TTC28: variants seen among roughly 807,000 people sequenced by gnomAD.
TTC28 encodes the protein tetratricopeptide repeat domain 28.
Under a neutral mutation model 198.0 loss-of-function variants are expected in TTC28, and 61 were observed. The ratio of observed to expected loss-of-function variants is 0.31; its 90% CI spans 0.25 to 0.38. The LOEUF is 0.38. Ranked by LOEUF, TTC28 falls within the 10% of genes least tolerant of loss-of-function variation. The probability of loss-of-function intolerance (pLI) is 1.00; values close to 1 mark genes in which losing one functional copy is unlikely to be tolerated. For synonymous variants in TTC28, 1,171 were observed against 1,297.8 expected (o/e 0.90, Z 2.10); for missense variants, 2,678 against 3,164.0 (o/e 0.85, Z 3.69).
chr22:28,552,783 CT>C (rs1569020697), intron 2 of TTC28, among the ~76,000 whole-genome samples: 1 of 135,456 alleles, frequency 7.4e-6, no homozygotes, highest in Non-Finnish European at 1.6e-5. Flanking sequence ...CCCCCTCCCC[CT>C]CTCCCCACGG....
intron 2 of TTC28, among the ~76,000 whole-genome samples, chr22:28,437,160 G>A (rs2146215031): frequency 6.6e-6 from 1 of 152,110 alleles, no homozygotes; most frequent in South Asian, 2.1e-4. Context: ...TCAGCTCACT[G>A]CAACCTCTGC....
chr22:28,170,073 C>T (rs889110523), intron 5 of TTC28, among the ~76,000 whole-genome samples: 1 of 152,044 alleles, frequency 6.6e-6, no homozygotes, highest in Non-Finnish European at 1.5e-5. Flanking sequence ...ACCTCATCTC[C>T]TAGAAACAAG....
chr22:28,335,071 A>T (rs778376516), intron 2 of TTC28, among the ~76,000 whole-genome samples: 5 of 152,140 alleles, frequency 3.3e-5, no homozygotes, highest in Admixed American at 1.3e-4. Flanking sequence ...CTTTCTACAT[A>T]TGGCTAGCCA....
At chr22:28,069,989 A>G (rs1488687628) in intron 12 of TTC28, among the ~76,000 whole-genome samples, 1 of 150,460 alleles carries the variant, frequency 6.6e-6, no homozygotes, top group Non-Finnish European at 1.5e-5. Flanking sequence ...GTTCTTTTCC[A>G]TTGTACTCTG....
In TTC28 at chr22:28,108,062, G is replaced by C. The variant is rs761850559; in HGVS notation, c.1783C>G (p.Arg595Gly). ...RELRDIQSEA[R>G]ALSNLGNFHC... is the part of the protein sequence containing the mutation. ...AAATTGCCCAGGTTGCTGAGGGCCC[G>C]GGCCTCGCTCTGGATGTCTCGTAGC... The change falls in exon 7 of 23, where the codon CGG becomes GGG. Residue 595 changes from arginine (R) to glycine (G), a missense_variant. Coordinates refer to ENST00000397906, the MANE Select transcript of TTC28 (RefSeq NM_001145418.2). The C allele has an allele frequency of 5.8e-6, 9 of 1,551,500 alleles. No homozygotes were observed. Among genetic ancestry groups the C allele is most frequent in the Non-Finnish European group, 7.8e-6 (9 of 1,146,988 alleles).
chr22:28,621,491 A>T (rs572551230), intron 2 of TTC28, among the ~76,000 whole-genome samples: 2 of 151,900 alleles, frequency 1.3e-5, no homozygotes, highest in Non-Finnish European at 2.9e-5. Flanking sequence ...AAGGCAGAAG[A>T]ATCATCTGAG....
intron 12 of TTC28, among the ~76,000 whole-genome samples, chr22:28,079,062 C>G (rs1277280896): frequency 1.3e-5 from 2 of 152,138 alleles, no homozygotes; most frequent in Non-Finnish European, 2.9e-5. Flanking sequence ...GCATACAGGT[C>G]AGCATAAGGA....
chr22:28,264,810 A>G (rs1033168936), intron 5 of TTC28, among the ~76,000 whole-genome samples: 10 of 152,286 alleles, frequency 6.6e-5, no homozygotes, highest in African/African-American at 2.2e-4. Flanking sequence ...TACCTGTGAT[A>G]TACACTGAAG....
intron 2 of TTC28, among the ~76,000 whole-genome samples, chr22:28,460,336 A>G (rs1024063947): frequency 8.5e-5 from 13 of 152,154 alleles, no homozygotes; most frequent in African/African-American, 3.1e-4. Flanking sequence ...GTAAAAATGC[A>G]AGGAGATAGA....
chr22:28,556,271 A>C (rs1479335390), intron 2 of TTC28, among the ~76,000 whole-genome samples: 1 of 152,134 alleles, frequency 6.6e-6, no homozygotes, highest in Non-Finnish European at 1.5e-5. Context: ...AGGCAGGAGA[A>C]TCACTTGAAC....
At chr22:28,469,512 C>T (rs1287318479) in intron 2 of TTC28, among the ~76,000 whole-genome samples, 3 of 152,024 alleles carry the variant, frequency 2.0e-5, no homozygotes, top group Non-Finnish European at 4.4e-5. Context: ...TATGGATTAG[C>T]CAGCTAAGCC....
intron 2 of TTC28, among the ~76,000 whole-genome samples, chr22:28,477,706 C>T (rs935611855): frequency 2.0e-5 from 3 of 152,164 alleles, no homozygotes; most frequent in African/African-American, 7.2e-5. Flanking sequence ...AGTCACCTCC[C>T]ACTCTGACTT....
chr22:28,578,855 A>T (rs937683974), intron 2 of TTC28, among the ~76,000 whole-genome samples: 2 of 152,046 alleles, frequency 1.3e-5, no homozygotes, highest in African/African-American at 4.8e-5. Flanking sequence ...AAACATTTAG[A>T]CCAGCCCTAG....
At chr22:28,563,848 G>A (rs901975138) in intron 2 of TTC28, among the ~76,000 whole-genome samples, 1 of 152,090 alleles carries the variant, frequency 6.6e-6, no homozygotes, top group Non-Finnish European at 1.5e-5. Context: ...ATACATGTTC[G>A]TGACAGCATT....
intron 2 of TTC28, among the ~76,000 whole-genome samples, chr22:28,552,132 C>G (rs920957425): frequency 2.0e-5 from 3 of 151,926 alleles, no homozygotes; most frequent in Non-Finnish European, 2.9e-5. Flanking sequence ...TTCACGATAA[C>G]CACAAAAAAA....
chr22:28,088,959 A>G (rs868111878), intron 12 of TTC28, among the ~76,000 whole-genome samples: 4 of 152,204 alleles, frequency 2.6e-5, no homozygotes, highest in Non-Finnish European at 5.9e-5. Flanking sequence ...CAAAACCACA[A>G]TGAGGTACCA....
chr22:28,053,255 C>T (rs1030481158), intron 12 of TTC28, among the ~76,000 whole-genome samples: 1 of 152,170 alleles, frequency 6.6e-6, no homozygotes, highest in African/African-American at 2.4e-5. Flanking sequence ...CTATTGTCTC[C>T]CACTGCTGGG....
intron 1 of TTC28, among the ~76,000 whole-genome samples, chr22:28,661,622 T>C (rs2051750408): frequency 1.3e-5 from 2 of 152,018 alleles, no homozygotes; most frequent in Admixed American, 6.6e-5. Context: ...TTTGTTTTTT[T>C]TTTTGAGACA....
chr22:28,106,208 G>A (rs1942296876), intron 7 of TTC28, among the ~76,000 whole-genome samples: 1 of 152,164 alleles, frequency 6.6e-6, no homozygotes, highest in South Asian at 2.1e-4. Context: ...AGCACTCTGT[G>A]GGTGAAGATT....
Sources: allele counts gnomAD v4.1 joint callset (sites outside exome capture counted in the v4.1 genomes callset), GRCh38; gene constraint gnomAD v4.1.1; transcripts MANE v1.5; gene names NCBI Gene and HGNC (gene_info 2026-07-23, HGNC 2026-07-21).